The following NCK2 variants were observed in gnomAD, a reference collection of about 807,000 sequenced individuals.
NCK2 encodes NCK adaptor protein 2, also known as cytoplasmic protein NCK2.
Under a neutral mutation model 33.9 loss-of-function variants are expected in NCK2, and 16 were observed. The ratio of observed to expected loss-of-function variants is 0.47; its 90% CI spans 0.32 to 0.72. The LOEUF (loss-of-function observed/expected upper bound fraction) is 0.72. Ranked by LOEUF, NCK2 falls within the 30% of genes least tolerant of loss-of-function variation. The pLI, the probability that NCK2 is intolerant of heterozygous loss-of-function variation, is 0.03. For missense variants in NCK2, 418 were observed against 537.3 expected (o/e 0.78, Z 2.19); for synonymous variants, 273 against 239.9 (o/e 1.14, Z -1.27).
At chr2:105,839,515 G>C (rs1225535785) in intron 2 of NCK2, among the ~76,000 whole-genome samples, 1 of 152,176 alleles carries the variant, frequency 6.6e-6, no homozygotes. Context: ...GGCTGGGTCA[G>C]CCCACTTAAT....
At chr2:105,809,847 T>G (rs1675221876) in intron 1 of NCK2, among the ~76,000 whole-genome samples, 1 of 152,130 alleles carries the variant, frequency 6.6e-6, no homozygotes, top group African/African-American at 2.4e-5. Flanking sequence ...GCTTCTTGAA[T>G]GAGAGATCTT....
At chr2:105,820,480 C>T (rs1573631323) in intron 2 of NCK2, among the ~76,000 whole-genome samples, 1 of 152,256 alleles carries the variant, frequency 6.6e-6, no homozygotes, top group Non-Finnish European at 1.5e-5. Flanking sequence ...TGAGTAACGT[C>T]TCAGCCCATT....
intron 1 of NCK2, among the ~76,000 whole-genome samples, chr2:105,767,588 C>G (rs951171764): frequency 6.6e-6 from 1 of 152,232 alleles, no homozygotes; most frequent in African/African-American, 2.4e-5. Context: ...GCATCTGTGG[C>G]TGCCCCATGT....
chr2:105,879,753 A>G (rs566823909), intron 3 of NCK2, among the ~76,000 whole-genome samples: 1 of 152,160 alleles, frequency 6.6e-6, no homozygotes, highest in South Asian at 2.1e-4. Context: ...CAGCCTTTTT[A>G]CCCTCTTCAC....
chr2:105,752,745 A>C (rs1253399377), intron 1 of NCK2, among the ~76,000 whole-genome samples: 1 of 152,214 alleles, frequency 6.6e-6, no homozygotes, highest in African/African-American at 2.4e-5. Flanking sequence ...CTCCAGTTCC[A>C]TCTGTGTTGC....
intron 1 of NCK2, among the ~76,000 whole-genome samples, chr2:105,756,450 C>T (rs1219625857): frequency 2.6e-5 from 4 of 152,186 alleles, no homozygotes; most frequent in African/African-American, 7.2e-5. Flanking sequence ...AACTTTGGAA[C>T]GATGTGTGTT....
chr2:105,845,494 A>G (rs1676822697), intron 2 of NCK2, among the ~76,000 whole-genome samples: 1 of 151,776 alleles, frequency 6.6e-6, no homozygotes, highest in Non-Finnish European at 1.5e-5. Context: ...CTTGAGCTCA[A>G]GTGATTCTCC....
intron 1 of NCK2, among the ~76,000 whole-genome samples, chr2:105,797,309 A>T (rs1691114914): frequency 6.6e-6 from 1 of 152,158 alleles, no homozygotes; most frequent in Non-Finnish European, 1.5e-5. Context: ...TTTTCTGCAC[A>T]GGAAATAACC....
At chr2:105,829,984 A>C (rs1676104347) in intron 2 of NCK2, among the ~76,000 whole-genome samples, 1 of 152,096 alleles carries the variant, frequency 6.6e-6, no homozygotes, top group Non-Finnish European at 1.5e-5. Context: ...ATTCATTCTA[A>C]TTGTTCCTAT....
At position 105,788,724 on chromosome 2, in the gene NCK2, T is replaced by C. The variant is rs183813799; in HGVS notation, c.-200-27706T>C. On this transcript the variant is annotated intron_variant, in intron 1 of 4. Coordinates refer to ENST00000233154, the MANE Select transcript of NCK2 (RefSeq NM_003581.5). ...CAATATGCTTTATCCATAGAATGCATAATTTTTTTTGTTTGTTCTCCTTCA... is the reference window on the plus strand; with the variant it reads ...CAATATGCTTTATCCATAGAATGCACAATTTTTTTTGTTTGTTCTCCTTCA... 9.7e-4 allele frequency among the ~76,000 whole-genome samples: 148 copies of C among 152,280 alleles called. 1 individual carries two copies. Among genetic ancestry groups the C allele is most frequent in the African/African-American group, 3.4e-3 (143 of 41,550 alleles).
intron 2 of NCK2, among the ~76,000 whole-genome samples, chr2:105,833,841 G>C (rs1310015830): frequency 6.6e-6 from 1 of 151,862 alleles, no homozygotes; most frequent in African/African-American, 2.4e-5. Context: ...ACAGTTTTTG[G>C]TATACTGTGT....
chr2:105,872,721 G>A (rs1036028961), intron 3 of NCK2, among the ~76,000 whole-genome samples: 9 of 152,204 alleles, frequency 5.9e-5, no homozygotes, highest in Non-Finnish European at 1.2e-4. Flanking sequence ...TAAATTCATG[G>A]CAGAGCCAAG....
At chr2:105,871,455 G>C (rs1194709458) in intron 3 of NCK2, among the ~76,000 whole-genome samples, 1 of 152,124 alleles carries the variant, frequency 6.6e-6, no homozygotes, top group Non-Finnish European at 1.5e-5. Context: ...TGCTCAGGGA[G>C]ATGGGGATTT....
At chr2:105,795,248 T>C (rs1691036896) in intron 1 of NCK2, among the ~76,000 whole-genome samples, 1 of 152,230 alleles carries the variant, frequency 6.6e-6, no homozygotes, top group South Asian at 2.1e-4. Flanking sequence ...ATAATAATAA[T>C]TATTGCTTTT....
intron 2 of NCK2, among the ~76,000 whole-genome samples, chr2:105,831,300 G>T (rs906450727): frequency 3.9e-5 from 6 of 151,934 alleles, no homozygotes; most frequent in Non-Finnish European, 7.4e-5. Context: ...GTAGGAAACC[G>T]CAAAAGAACC....
chr2:105,845,908 G>T (rs1452974147), intron 2 of NCK2, among the ~76,000 whole-genome samples: 1 of 152,092 alleles, frequency 6.6e-6, no homozygotes, highest in Non-Finnish European at 1.5e-5. Context: ...TCATACGTGG[G>T]TATTTTCCCA....
In NCK2 at chr2:105,869,635, G is replaced by T. The variant is rs117971646; in HGVS notation, c.227-11693G>T. On this transcript the variant is annotated intron_variant, in intron 3 of 4. Transcript: ENST00000233154. ...CATTTCACTTTCCTGAGCAGGTGTG[G>T]TCCTGCAGAACAGCAGGCGTGCTGA... is the stretch of plus-strand genomic sequence containing the variant. Among the ~76,000 whole-genome samples, 224 of 152,248 alleles carry T rather than the reference G, an allele frequency of 1.5e-3. 3 individuals carry two copies. The East Asian group carries it at 0.032, about 21-fold the overall frequency.
chr2:105,778,710 T>G (rs1452537993), intron 1 of NCK2, among the ~76,000 whole-genome samples: 1 of 152,142 alleles, frequency 6.6e-6, no homozygotes, highest in Non-Finnish European at 1.5e-5. Flanking sequence ...ATGGTTATTT[T>G]TTTCTTCTTT....
chr2:105,850,399 C>A, intron 2 of NCK2, among the ~76,000 whole-genome samples: 1 of 152,120 alleles, frequency 6.6e-6, no homozygotes, highest in African/African-American at 2.4e-5. Context: ...TTATACCTAT[C>A]CTATTTGTTT....
Sources: gnomAD v4.1 joint callset for allele counts (sites outside exome capture counted in the v4.1 genomes callset) on GRCh38, gnomAD v4.1.1 for gene constraint, MANE v1.5 for transcripts, NCBI Gene and HGNC (gene_info 2026-07-23, HGNC 2026-07-21) for gene names.